TTC7A: variants seen among roughly 807,000 people sequenced by gnomAD.
The protein encoded by TTC7A is tetratricopeptide repeat protein 7A.
Under a neutral mutation model 103.7 loss-of-function variants are expected in TTC7A, and 110 were observed. The observed-to-expected ratio is 1.06, with a 90% CI of 0.91 to 1.24. TTC7A has a LOEUF of 1.24. TTC7A is among the 50% of genes most tolerant of loss of function. The probability of loss-of-function intolerance (pLI) is 0.00; values close to 1 mark genes in which losing one functional copy is unlikely to be tolerated. For missense variants in TTC7A, 1,340 were observed against 1,116.3 expected (o/e 1.20, Z -2.86); for synonymous variants, 521 against 467.9 (o/e 1.11, Z -1.47).
chr2:46,925,552 T>G (rs1452355186), intron 2 of TTC7A, among the ~76,000 whole-genome samples: 1 of 151,860 alleles, frequency 6.6e-6, no homozygotes, highest in Admixed American at 6.6e-5. Flanking sequence ...AGTGTCTCAA[T>G]AAATAAATAA....
At chr2:47,027,346 C>T (rs1228301643) in intron 14 of TTC7A, among the ~76,000 whole-genome samples, 2 of 152,238 alleles carry the variant, frequency 1.3e-5, no homozygotes, top group African/African-American at 4.8e-5. Context: ...CCAGGCCTGT[C>T]ACTCACCAAA....
At chr2:46,935,777 C>T (rs943614142) in intron 2 of TTC7A, among the ~76,000 whole-genome samples, 3 of 152,090 alleles carry the variant, frequency 2.0e-5, no homozygotes, top group African/African-American at 4.8e-5. Flanking sequence ...TTGTATTGGA[C>T]CCAAGCTCCA....
chr2:46,968,711 A>G (rs551979620), intron 3 of TTC7A, among the ~76,000 whole-genome samples: 1 of 152,280 alleles, frequency 6.6e-6, no homozygotes, highest in South Asian at 2.1e-4. Context: ...CTGAATCATG[A>G]CAGCTCCCTT....
intron 3 of TTC7A, among the ~76,000 whole-genome samples, chr2:46,962,990 G>C (rs1280684357): frequency 1.3e-5 from 2 of 152,244 alleles, no homozygotes; most frequent in African/African-American, 4.8e-5. Context: ...AGATGGTGTT[G>C]ACTTCAAGTC....
chr2:47,060,882 G>A lies in TTC7A; in HGVS notation c.2266G>A (p.Glu756Lys), dbSNP rs754721168. 6.2e-7 allele frequency: 1 copy of A among 1,614,222 alleles called. No individual in the cohort carries two copies. Among genetic ancestry groups the A allele is most frequent in the Non-Finnish European group, 8.5e-7 (1 of 1,180,024 alleles). ...SVLYMRGRLA[E>K]VKGNLEEAKQ... ...ACTCTATATGCGGGGCCGGCTGGCT[G>A]AGGTGAAGGGCAACCTGGAGGAGGC... The change falls in exon 19 of 20, where the codon GAG (glutamate) becomes AAG (lysine). Residue 756 changes from glutamate to lysine, a missense_variant. By Grantham distance (56) the Glu-to-Lys change is moderately conservative. Transcript: ENST00000319190.
At position 47,021,909 on chromosome 2, in the gene TTC7A, G is replaced by C. The variant is rs1023014838; in HGVS notation, c.1440G>C (p.Glu480Asp). Residue 480 changes from glutamate to aspartate, a missense_variant, in exon 12 of 20, where the codon GAG (glutamate) becomes GAC (aspartate). Glu to Asp is a conservative substitution (Grantham distance 45). Transcript: ENST00000319190. ...CCATGATGGTGATCAGCCTCGGAGA[G>C]GAAGCCGGGGAGTTCCTCCCCAAGG... ...HFAMMVISLG[E>D]EAGEFLPKGY... is the part of the protein sequence containing the mutation. 15 of 1,614,084 alleles carry C rather than the reference G, an allele frequency of 9.3e-6. No homozygotes were observed. Among genetic ancestry groups the C allele is most frequent in the Non-Finnish European group, 1.3e-5 (15 of 1,180,020 alleles).
At chr2:46,955,424 G>A (rs1364243977) in intron 2 of TTC7A, among the ~76,000 whole-genome samples, 1 of 152,170 alleles carries the variant, frequency 6.6e-6, no homozygotes, top group African/African-American at 2.4e-5. Context: ...AGAGAGAGCA[G>A]GTCAGGCGTG....
chr2:47,011,188 C>T, intron 10 of TTC7A, 143 bp from the exon 11 acceptor site: 1 of 654,782 alleles, frequency 1.5e-6, no homozygotes, highest in South Asian at 2.3e-5. Context: ...ACTGCCTAGG[C>T]TTCTCTGCCC....
intron 2 of TTC7A, among the ~76,000 whole-genome samples, chr2:46,931,000 G>A (rs79061237): frequency 0.022 from 3,302 of 149,688 alleles, 126 homozygotes; most frequent in African/African-American, 0.075. Context: ...AAATTTAGCC[G>A]TATCTCATGG....
chr2:46,927,816 G>C (rs898743216), intron 2 of TTC7A, among the ~76,000 whole-genome samples: 2 of 145,340 alleles, frequency 1.4e-5, no homozygotes, highest in Non-Finnish European at 3.0e-5. Flanking sequence ...AACGTGAGAA[G>C]ACATTTTTAG....
rs945672919 is a variant in TTC7A at position 46,941,786 on chromosome 2, A to G, written c.184+61A>G. Reference sequence around the variant, plus strand: ...GCGCGCGAAACGCACCGCCTCCTCCAGGAAGCGCGCCCAGACAGTCCTCGG... The same window carrying G: ...GCGCGCGAAACGCACCGCCTCCTCCGGGAAGCGCGCCCAGACAGTCCTCGG... On this transcript the variant is annotated intron_variant, in intron 1 of 19. Transcript: ENST00000319190. The surrounding 1 kb of genome is among the most constrained non-coding windows in gnomAD (Gnocchi z 4.2). 34 of 1,542,786 alleles carry G rather than the reference A, an allele frequency of 2.2e-5. No individual in the cohort carries two copies. The highest frequency in any genetic ancestry group is 2.8e-5 in the Non-Finnish European group (32 of 1,142,956).
chr2:46,959,333 T>G (rs1672177215), intron 3 of TTC7A, among the ~76,000 whole-genome samples: 1 of 152,196 alleles, frequency 6.6e-6, no homozygotes, highest in African/African-American at 2.4e-5. Context: ...TGACCCACAC[T>G]CAGCACTCCT....
At position 46,988,339 on chromosome 2, in the gene TTC7A, CAG is replaced by C. The variant is rs561634445; in HGVS notation, c.765-5110_765-5109del. Among the ~76,000 whole-genome samples, 215 of 152,306 alleles carry C rather than the reference CAG, an allele frequency of 1.4e-3. 2 individuals are homozygous for C. Among genetic ancestry groups the C allele is most frequent in the Admixed American group, 3.1e-3 (48 of 15,306 alleles). On this transcript the variant is annotated intron_variant, in intron 5 of 19. Coordinates refer to ENST00000319190, the MANE Select transcript of TTC7A (RefSeq NM_020458.4). ...TGAAACAGAGGATTTGGGTCTGCGACAGGGGTGAACAGTTTGATGACCATTTG... is the reference window on the plus strand; with the variant it reads ...TGAAACAGAGGATTTGGGTCTGCGACGGGTGAACAGTTTGATGACCATTTG...
chr2:46,993,309 CT>C (rs2104380321), intron 5 of TTC7A, 140 bp from the exon 6 acceptor site: 1 of 762,552 alleles, frequency 1.3e-6, no homozygotes, highest in East Asian at 2.5e-5. Context: ...TGTTACAACT[CT>C]AACTTTTCAC....
chr2:46,930,182 G>T (rs1348346076), intron 2 of TTC7A, among the ~76,000 whole-genome samples: 1 of 152,028 alleles, frequency 6.6e-6, no homozygotes, highest in Non-Finnish European at 1.5e-5. Context: ...TAATGCAGTG[G>T]AAAGCAACAT....
intron 15 of TTC7A, among the ~76,000 whole-genome samples, chr2:47,035,074 C>A (rs1218169040): frequency 1.3e-5 from 2 of 152,132 alleles, no homozygotes; most frequent in Non-Finnish European, 2.9e-5. Flanking sequence ...ACCTGGTGTG[C>A]CTCACCTTTT....
chr2:46,946,868 A>G (rs2103940491), intron 1 of TTC7A, among the ~76,000 whole-genome samples: 1 of 152,300 alleles, frequency 6.6e-6, no homozygotes, highest in Middle Eastern at 3.4e-3. Flanking sequence ...AGTTGAGCAA[A>G]GGAGGAAAAG....
intron 19 of TTC7A, among the ~76,000 whole-genome samples, chr2:47,064,353 C>T (rs1054561917): frequency 3.3e-5 from 5 of 152,232 alleles, no homozygotes; most frequent in African/African-American, 1.2e-4. Flanking sequence ...CCAGACTTCT[C>T]TCCAGTAGCT....
intron 5 of TTC7A, among the ~76,000 whole-genome samples, chr2:46,983,073 C>A (rs536320927): frequency 1.5e-4 from 23 of 152,340 alleles, no homozygotes; most frequent in Non-Finnish European, 1.5e-5. Context: ...TAGTCCACAG[C>A]TGGACAGGCT....
Sources: gnomAD v4.1 joint callset for allele counts (sites outside exome capture counted in the v4.1 genomes callset) on GRCh38, gnomAD v4.1.1 for gene constraint, Gnocchi (gnomAD v3.1) non-coding constraint, MANE v1.5 for transcripts, NCBI Gene and HGNC (gene_info 2026-07-23, HGNC 2026-07-21) for gene names.